Variants in SLC41A2 observed in about 807,000 individuals in gnomAD.
SLC41A2 encodes the protein solute carrier family 41 member 2.
In SLC41A2, 32 loss-of-function variants were observed where a neutral mutation model predicts 58.3. That is an observed-to-expected ratio of 0.55 (90% CI 0.41 to 0.74). SLC41A2 has a LOEUF of 0.74. SLC41A2 is among the 30% of genes least tolerant of loss of function. SLC41A2 has a pLI of 0.00. For missense variants in SLC41A2, 514 were observed against 680.6 expected (o/e 0.76, Z 2.72); for synonymous variants, 190 against 235.0 (o/e 0.81, Z 1.75).
At chr12:104,810,810 T>C (rs2041140811) in intron 10 of SLC41A2, among the ~76,000 whole-genome samples, 1 of 152,102 alleles carries the variant, frequency 6.6e-6, no homozygotes, top group South Asian at 2.1e-4. Context: ...TAAGGCAAAG[T>C]CCAAGAAACC....
intron 6 of SLC41A2, among the ~76,000 whole-genome samples, chr12:104,881,970 C>T (rs1016171441): frequency 6.6e-6 from 1 of 152,062 alleles, no homozygotes; most frequent in Non-Finnish European, 1.5e-5. Flanking sequence ...GTAGGTCTCT[C>T]AGGACTTGCT....
intron 8 of SLC41A2, among the ~76,000 whole-genome samples, chr12:104,852,391 G>A (rs893850847): frequency 6.6e-6 from 1 of 152,092 alleles, no homozygotes; most frequent in Non-Finnish European, 1.5e-5. Context: ...TTAAGCCAAC[G>A]TATATCTACT....
At chr12:104,805,478 T>G in intron 10 of SLC41A2, 141 bp from the exon 11 acceptor site, 1 of 579,976 alleles carries the variant, frequency 1.7e-6, no homozygotes, top group Non-Finnish European at 2.8e-6. Flanking sequence ...AAGAAATACT[T>G]AGATGACAAG....
intron 8 of SLC41A2, among the ~76,000 whole-genome samples, chr12:104,856,338 G>T (rs188888722): frequency 1.1e-4 from 16 of 152,304 alleles, no homozygotes; most frequent in African/African-American, 3.9e-4. Context: ...TTAAACAACT[G>T]AATAGAATGA....
chr12:104,816,009 C>T (rs970537124), intron 10 of SLC41A2, among the ~76,000 whole-genome samples: 1 of 152,092 alleles, frequency 6.6e-6, no homozygotes, highest in Non-Finnish European at 1.5e-5. Flanking sequence ...GTATTATTAT[C>T]TCTATTTTCA....
intron 10 of SLC41A2, among the ~76,000 whole-genome samples, 199 bp downstream of exon 10, chr12:104,844,273 A>G (rs1395357470): frequency 6.6e-6 from 1 of 152,204 alleles, no homozygotes. Context: ...ATAATAAACA[A>G]TGTTTACATG....
At chr12:104,916,905 T>G (rs928942978) in intron 2 of SLC41A2, among the ~76,000 whole-genome samples, 1 of 151,654 alleles carries the variant, frequency 6.6e-6, no homozygotes, top group Non-Finnish European at 1.5e-5. Flanking sequence ...ATTCAGGACA[T>G]AGGCGTGGGC....
intron 8 of SLC41A2, among the ~76,000 whole-genome samples, chr12:104,854,822 G>T (rs1407193900): frequency 2.0e-5 from 3 of 152,036 alleles, no homozygotes; most frequent in African/African-American, 7.3e-5. Flanking sequence ...TACTTTCCTG[G>T]GACAACTGAG....
chr12:104,872,225 G>A (rs905671452), intron 6 of SLC41A2, among the ~76,000 whole-genome samples: 1 of 152,178 alleles, frequency 6.6e-6, no homozygotes, highest in Admixed American at 6.5e-5. Context: ...CTGACTCCGC[G>A]AGGCCTAAAT....
intron 10 of SLC41A2, among the ~76,000 whole-genome samples, chr12:104,828,153 C>T (rs2468106): frequency 0.64 from 97,344 of 152,014 alleles, 31,660 homozygotes; most frequent in African/African-American, 0.73. Flanking sequence ...AACAGATGGG[C>T]GGCTGAACGT....
chr12:104,934,183 A>G (rs1022121749), intron 1 of SLC41A2, among the ~76,000 whole-genome samples: 23 of 149,160 alleles, frequency 1.5e-4, no homozygotes, highest in Non-Finnish European at 2.7e-4. Context: ...CAATGAATGG[A>G]AAAAAAAGTA....
chr12:104,934,958 G>T (rs1035818795), intron 1 of SLC41A2, among the ~76,000 whole-genome samples: 5 of 151,604 alleles, frequency 3.3e-5, no homozygotes, highest in African/African-American at 7.3e-5. Context: ...TGTTTTTTTT[G>T]TTTGTTTGTT....
chr12:104,832,059 A>G (rs1267414910), intron 10 of SLC41A2, among the ~76,000 whole-genome samples: 1 of 152,202 alleles, frequency 6.6e-6, no homozygotes, highest in Non-Finnish European at 1.5e-5. Flanking sequence ...TGGCAGAGCT[A>G]AAAAGTAACA....
intron 10 of SLC41A2, among the ~76,000 whole-genome samples, chr12:104,843,422 T>C (rs1010646887): frequency 6.6e-6 from 1 of 152,086 alleles, no homozygotes; most frequent in African/African-American, 2.4e-5. Context: ...AAGGGTTTTG[T>C]TATTTTAAGG....
chr12:104,905,570 C>T (rs2045797942), intron 3 of SLC41A2, among the ~76,000 whole-genome samples: 1 of 152,244 alleles, frequency 6.6e-6, no homozygotes, highest in Admixed American at 6.5e-5. Context: ...GGGGGTGGCG[C>T]TCATCGGGGA....
At chr12:104,895,810 C>T (rs574567428) in intron 3 of SLC41A2, among the ~76,000 whole-genome samples, 8 of 152,172 alleles carry the variant, frequency 5.3e-5, no homozygotes, top group South Asian at 2.1e-4. Context: ...ATTTGAGTCA[C>T]GACTAAAACT....
chr12:104,904,572 T>C (rs1242893455), intron 3 of SLC41A2, among the ~76,000 whole-genome samples: 1 of 122,530 alleles, frequency 8.2e-6, no homozygotes, highest in Non-Finnish European at 1.8e-5. Flanking sequence ...ACTTCAAGAA[T>C]GAAGCCGCGG....
intron 1 of SLC41A2, among the ~76,000 whole-genome samples, chr12:104,951,012 A>T (rs1478961365): frequency 1.3e-5 from 2 of 152,168 alleles, no homozygotes; most frequent in Admixed American, 1.3e-4. Flanking sequence ...ATATTTTTAT[A>T]TTATTTGAAC....
intron 10 of SLC41A2, among the ~76,000 whole-genome samples, chr12:104,821,011 C>T (rs571924985): frequency 6.6e-6 from 1 of 152,274 alleles, no homozygotes; most frequent in South Asian, 2.1e-4. Flanking sequence ...GACAAAAAGT[C>T]GTGAGTATAA....
Sources: allele counts gnomAD v4.1 joint callset (sites outside exome capture counted in the v4.1 genomes callset), GRCh38; gene constraint gnomAD v4.1.1; transcripts MANE v1.5; gene names NCBI Gene and HGNC (gene_info 2026-07-23, HGNC 2026-07-21).